The following C8orf89 variants were observed in gnomAD, a reference collection of about 807,000 sequenced individuals.
C8orf89 encodes chromosome 8 open reading frame 89, also known as putative uncharacterized protein C8orf89.
Under a neutral mutation model 15.8 loss-of-function variants are expected in C8orf89, and 14 were observed. The ratio of observed to expected loss-of-function variants is 0.89; its 90% CI spans 0.59 to 1.39. The LOEUF is 1.39. Among genes scored for constraint, C8orf89 ranks in the 40% most tolerant of loss-of-function variants. C8orf89 has a pLI of 0.00. For synonymous variants in C8orf89, 55 were observed against 62.2 expected, an observed-to-expected ratio of 0.88 and a Z score of 0.54; for missense variants, 181 against 184.5, an observed-to-expected ratio of 0.98 and a Z score of 0.11.
At chr8:73,264,837 GAT>G in the C8orf89 span, among the ~76,000 whole-genome samples, 2 of 152,200 alleles carry the variant, frequency 1.3e-5, no homozygotes, top group African/African-American at 4.8e-5. Flanking sequence ...AGTAGCCACA[GAT>G]ATCTGGAGGA....
At chr8:73,247,361 A>T (rs1319955822) in intron 3 of C8orf89, among the ~76,000 whole-genome samples, 1 of 152,180 alleles carries the variant, frequency 6.6e-6, no homozygotes, top group Non-Finnish European at 1.5e-5. Context: ...ATTTAGGTTG[A>T]GTCCATGTCT....
At chr8:73,278,844 A>G in the C8orf89 span, among the ~76,000 whole-genome samples, 39 of 152,212 alleles carry the variant, frequency 2.6e-4, 1 homozygote, top group Admixed American at 2.6e-4. Flanking sequence ...ATCTTTAACT[A>G]TAGTCATTTT....
chr8:73,277,782 C>T, the C8orf89 span: 6 of 736,440 alleles, frequency 8.1e-6, no homozygotes, highest in African/African-American at 8.6e-5. Context: ...TTCCCCTCAA[C>T]AGAGGAAACA....
At chr8:73,261,120 C>T (rs190135548), upstream of C8orf89, among the ~76,000 whole-genome samples, 138 of 152,294 alleles carry the variant, frequency 9.1e-4, no homozygotes, top group African/African-American at 3.2e-3. Flanking sequence ...ATTAGACTGG[C>T]TTCCTTGCTC....
chr8:73,255,853 G>C (rs1183448461), intron 2 of C8orf89, among the ~76,000 whole-genome samples: 1 of 151,026 alleles, frequency 6.6e-6, no homozygotes, highest in Non-Finnish European at 1.5e-5. Flanking sequence ...GTAAACTATC[G>C]CAAGGACAAA....
At chr8:73,266,275 G>C in the C8orf89 span, among the ~76,000 whole-genome samples, 8 of 152,188 alleles carry the variant, frequency 5.3e-5, no homozygotes, top group Non-Finnish European at 1.2e-4. Flanking sequence ...GCTTTTCAGT[G>C]AGTGAATGGA....
At chr8:73,274,277 G>A in the C8orf89 span, among the ~76,000 whole-genome samples, 518 of 151,912 alleles carry the variant, frequency 3.4e-3, 4 homozygotes, top group African/African-American at 0.012. Context: ...ACAGCCTCCC[G>A]AGTAGCTGGG....
the C8orf89 span, among the ~76,000 whole-genome samples, chr8:73,275,231 C>CTTTTTTTTTTTGTTT: frequency 1.2e-5 from 1 of 84,744 alleles, no homozygotes; most frequent in East Asian, 3.5e-4. Context: ...TGTAATAGTT[C>CTTTTTTTTTTTGTTT]TTTTTTTTTT....
At chr8:73,270,322 C>T in the C8orf89 span, among the ~76,000 whole-genome samples, 11,488 of 152,106 alleles carry the variant, frequency 0.076, 477 homozygotes, top group East Asian at 0.16. Flanking sequence ...GTCAGGTCTA[C>T]GTATCTGTAT....
At chr8:73,254,796 C>A (rs905386978) in intron 2 of C8orf89, among the ~76,000 whole-genome samples, 27 of 152,112 alleles carry the variant, frequency 1.8e-4, no homozygotes, top group African/African-American at 5.8e-4. Context: ...CAGAACAGAG[C>A]CCTCAGAAAT....
intron 2 of C8orf89, among the ~76,000 whole-genome samples, chr8:73,251,901 C>T (rs1409242883): frequency 6.6e-6 from 1 of 152,180 alleles, no homozygotes; most frequent in Non-Finnish European, 1.5e-5. Flanking sequence ...CACTGTGACC[C>T]TTGATGAAAA....
the C8orf89 span, among the ~76,000 whole-genome samples, chr8:73,264,705 G>A: frequency 1.3e-5 from 2 of 152,114 alleles, no homozygotes; most frequent in African/African-American, 4.8e-5. Flanking sequence ...TGACCAGGCT[G>A]GTCTCAAACT....
chr8:73,260,182 A>G (rs1211688039), upstream of C8orf89, among the ~76,000 whole-genome samples: 2 of 152,252 alleles, frequency 1.3e-5, no homozygotes, highest in Non-Finnish European at 2.9e-5. Flanking sequence ...GAAACATGCT[A>G]AGCAAAACAG....
the C8orf89 span, among the ~76,000 whole-genome samples, chr8:73,283,509 A>G: frequency 6.6e-6 from 1 of 152,202 alleles, no homozygotes; most frequent in African/African-American, 2.4e-5. Flanking sequence ...AAATTTTAAA[A>G]TGCATGTGAA....
At chr8:73,271,249 T>C in the C8orf89 span, among the ~76,000 whole-genome samples, 259 of 152,330 alleles carry the variant, frequency 1.7e-3, 1 homozygote, top group African/African-American at 5.6e-3. Context: ...CCTCCCCAAA[T>C]CTCATGCTGA....
At chr8:73,252,846 A>G (rs1813277394) in intron 2 of C8orf89, among the ~76,000 whole-genome samples, 2 of 152,232 alleles carry the variant, frequency 1.3e-5, no homozygotes, top group African/African-American at 4.8e-5. Context: ...AGAGTGAATA[A>G]GAACTAGACA....
chr8:73,268,767 G>C, the C8orf89 span, among the ~76,000 whole-genome samples: 1 of 152,156 alleles, frequency 6.6e-6, no homozygotes, highest in Non-Finnish European at 1.5e-5. Flanking sequence ...GAGGGTAGTG[G>C]TGACAGTATG....
At position 73,241,595 on chromosome 8, in the gene C8orf89, G is replaced by A. The variant is rs1349092219; in HGVS notation, c.348C>T (p.Phe116=). Residue 116 remains phenylalanine (F), a synonymous_variant, in exon 4 of 4, where the codon TTC becomes TTT. Coordinates refer to ENST00000624510, the MANE Select transcript of C8orf89 (RefSeq NM_001243237.3). The part of the protein sequence containing the change: ...PLWEKSKGSG[F]SDPLTGAPSQ... The stretch of plus-strand genomic sequence containing the variant: ...ATGGTGCTCCAGTGAGAGGATCACT[G>A]AAGCCAGAACCTGGAGGAGGAGGTG... The A allele has an allele frequency of 9.9e-6, 15 of 1,516,592 alleles. No individual in the cohort carries two copies. Among genetic ancestry groups the A allele is most frequent in the African/African-American group, 4.1e-5 (3 of 72,580 alleles). The allele number at this position is 1,516,592 out of a possible 1,614,324, so 93.9% of individuals were successfully genotyped here. A position where few individuals can be genotyped will look rare whatever the true frequency, so the allele number is the denominator to read the frequency against.
chr8:73,270,453 T>G, the C8orf89 span, among the ~76,000 whole-genome samples: 1 of 152,116 alleles, frequency 6.6e-6, no homozygotes, highest in South Asian at 2.1e-4. Flanking sequence ...ACAAACAGAT[T>G]TGGGGAGGTT....
Sources: allele counts gnomAD v4.1 joint callset (sites outside exome capture counted in the v4.1 genomes callset), GRCh38; gene constraint gnomAD v4.1.1; transcripts MANE v1.5; gene names NCBI Gene and HGNC (gene_info 2026-07-23, HGNC 2026-07-21).